Variants in TOPAZ1 observed in about 807,000 individuals in gnomAD.
TOPAZ1 encodes the protein protein TOPAZ1.
A neutral mutation model predicts 172.2 loss-of-function variants in TOPAZ1; 66 were observed. That is an observed-to-expected ratio of 0.38 (90% CI 0.31 to 0.47). The LOEUF is 0.47. TOPAZ1 is among the 20% of genes least tolerant of loss of function. The pLI, the probability that TOPAZ1 is intolerant of heterozygous loss-of-function variation, is 0.99. For synonymous variants in TOPAZ1, 681 were observed against 683.9 expected (o/e 1.00, Z 0.07); for missense variants, 1,822 against 1,972.4 (o/e 0.92, Z 1.44).
chr3:44,302,931 C>T (rs961064352), intron 12 of TOPAZ1, among the ~76,000 whole-genome samples: 9 of 152,160 alleles, frequency 5.9e-5, no homozygotes, highest in African/African-American at 2.2e-4. Context: ...CAGCCTGGAC[C>T]TCCTGGGCTC....
chr3:44,248,386 A>T (rs1699590877), intron 2 of TOPAZ1, among the ~76,000 whole-genome samples: 1 of 152,086 alleles, frequency 6.6e-6, no homozygotes, highest in Non-Finnish European at 1.5e-5. Flanking sequence ...CACCAGTTAT[A>T]CTTTTATTGG....
At chr3:44,306,599 A>G (rs1700339057) in intron 15 of TOPAZ1, among the ~76,000 whole-genome samples, 173 bp downstream of exon 15, 1 of 152,244 alleles carries the variant, frequency 6.6e-6, no homozygotes, top group Non-Finnish European at 1.5e-5. Flanking sequence ...GCAAATGGCT[A>G]CTATTCAAAA....
intron 12 of TOPAZ1, among the ~76,000 whole-genome samples, chr3:44,300,132 TAAAAA>T (rs1006094199): frequency 6.7e-6 from 1 of 148,326 alleles, no homozygotes; most frequent in Non-Finnish European, 1.5e-5. Context: ...AAATAAAAAA[TAAAAA>T]AAAAGAAAAT....
chr3:44,323,406 CA>C (rs1559549451), intron 18 of TOPAZ1, 111 bp downstream of exon 18: 1 of 627,088 alleles, frequency 1.6e-6, no homozygotes, highest in East Asian at 3.1e-5. Context: ...AGCAGTAATA[CA>C]TATTCAAATG....
chr3:44,254,310 G>A (rs1237924350), intron 2 of TOPAZ1, among the ~76,000 whole-genome samples: 1 of 152,042 alleles, frequency 6.6e-6, no homozygotes, highest in Non-Finnish European at 1.5e-5. Context: ...GACATTGACC[G>A]TATGACATAC....
At chr3:44,270,935 T>C in intron 8 of TOPAZ1, 125 bp downstream of exon 8, 1 of 846,684 alleles carries the variant, frequency 1.2e-6, no homozygotes. Flanking sequence ...TTGTTCTTTA[T>C]ATAAATGGAA....
intron 8 of TOPAZ1, among the ~76,000 whole-genome samples, chr3:44,273,624 C>T (rs942655699): frequency 2.0e-5 from 3 of 152,138 alleles, no homozygotes; most frequent in African/African-American, 4.8e-5. Context: ...TGATGTACCA[C>T]CCCCCATGCT....
intron 12 of TOPAZ1, among the ~76,000 whole-genome samples, chr3:44,293,455 A>G (rs1700161983): frequency 6.6e-6 from 1 of 152,224 alleles, no homozygotes; most frequent in African/African-American, 2.4e-5. Context: ...AGACAGTGAT[A>G]TTGATCATCC....
In TOPAZ1 at chr3:44,321,209, C is replaced by CT. The variant is rs1447817854; in HGVS notation, c.4471+19dup. The CT allele has an allele frequency of 1.3e-6, 2 of 1,522,864 alleles. No homozygotes were observed. Among genetic ancestry groups the CT allele is most frequent in the Admixed American group, 4.3e-5 (2 of 46,448 alleles). The allele number at this position is 1,522,864 out of a possible 1,614,324, so 94.3% of individuals were successfully genotyped here. On this transcript the variant is annotated intron_variant, in intron 17 of 19. Transcript: ENST00000309765. ...TTCCCAAGGTATGTTTTTTAAAAGT[C>CT]TATCTTAATTATCTCTTGCCCATCT...
At chr3:44,329,386 G>A (rs2125707586) in intron 19 of TOPAZ1, among the ~76,000 whole-genome samples, 1 of 152,296 alleles carries the variant, frequency 6.6e-6, no homozygotes, top group East Asian at 1.9e-4. Context: ...AATACCTGTT[G>A]GGTGGAAGCC....
At chr3:44,271,459 T>C (rs1384965112) in intron 8 of TOPAZ1, among the ~76,000 whole-genome samples, 3 of 152,184 alleles carry the variant, frequency 2.0e-5, no homozygotes, top group Non-Finnish European at 4.4e-5. Flanking sequence ...ATTTTCCCTA[T>C]ATTCTATGGG....
intron 6 of TOPAZ1, among the ~76,000 whole-genome samples, chr3:44,267,721 G>C (rs534924112): frequency 1.3e-5 from 2 of 152,136 alleles, no homozygotes. Context: ...TTTAGAACTT[G>C]TGTCAGTTTT....
intron 2 of TOPAZ1, among the ~76,000 whole-genome samples, chr3:44,247,533 C>T (rs1178479695): frequency 2.0e-5 from 3 of 152,160 alleles, no homozygotes; most frequent in Non-Finnish European, 4.4e-5. Context: ...TATTACTAAG[C>T]CTTGTGCCAT....
At chr3:44,269,350 C>A (rs1290553390) in intron 7 of TOPAZ1, 49 bp downstream of exon 7, 2 of 1,072,982 alleles carry the variant, frequency 1.9e-6, no homozygotes, top group Admixed American at 2.0e-5. Flanking sequence ...TCTCCTCCCC[C>A]TCCTCCTCCT....
At chr3:44,323,822 T>A (rs1157461128) in intron 18 of TOPAZ1, among the ~76,000 whole-genome samples, 1 of 152,208 alleles carries the variant, frequency 6.6e-6, no homozygotes, top group Admixed American at 6.5e-5. Flanking sequence ...CTCTAACAAA[T>A]AAGCCTGGAA....
At chr3:44,332,170 AT>A, downstream of TOPAZ1, 2 of 567,948 alleles carry the variant, frequency 3.5e-6, no homozygotes, top group Non-Finnish European at 6.1e-6. Flanking sequence ...TTGATATGTA[AT>A]TTTCATTGAT....
At position 44,242,255 on chromosome 3, in the gene TOPAZ1, T is replaced by G; in HGVS notation, c.202T>G (p.Ser68Ala). 1.7e-5 allele frequency: 27 copies of G among 1,548,078 alleles called. No homozygotes were observed. Among genetic ancestry groups the G allele is most frequent in the Non-Finnish European group, 2.2e-5 (25 of 1,145,992 alleles). The change falls in exon 1 of 20, where the codon TCG (serine) becomes GCG (alanine). Residue 68 changes from serine (S) to alanine (A), a missense_variant. Transcript: ENST00000309765. ...PGRGEVESDK[S>A]VAASGAGKAA... The stretch of plus-strand genomic sequence containing the variant: ...GAGAGGCGAGGTGGAAAGTGATAAG[T>G]CGGTTGCAGCATCAGGGGCTGGAAA...
intron 12 of TOPAZ1, among the ~76,000 whole-genome samples, chr3:44,302,069 T>A (rs75872471): frequency 0.013 from 1,904 of 152,218 alleles, 37 homozygotes; most frequent in African/African-American, 0.041. Flanking sequence ...TGGATTCAGT[T>A]TTATCTTTTC....
In TOPAZ1 at chr3:44,244,630, G is replaced by C. The variant is rs1392883453; in HGVS notation, c.2124G>C (p.Glu708Asp). Residue 708 changes from glutamate to aspartate, a missense_variant, in exon 2 of 20, where the codon GAG (glutamate) becomes GAC (aspartate). Physicochemically the swap from Glu to Asp is conservative, Grantham distance 45. Around this residue, in one of 2 missense-constraint regions of TOPAZ1, gnomAD observed 1,489 missense variants for 1,490.8 expected, o/e 1.00. Coordinates refer to ENST00000309765, the MANE Select transcript of TOPAZ1 (RefSeq NM_001145030.2). ...KRKEVNAKSS[E>D]REAYSPLELL... ...AAGAAGTAAATGCCAAGTCATCAGA[G>C]AGAGAAGCTTACAGTCCTCTAGAAC... 2 of 1,551,234 alleles carry C rather than the reference G, an allele frequency of 1.3e-6. No individual in the cohort carries two copies. The highest frequency in any genetic ancestry group is 2.7e-5 in the African/African-American group (2 of 73,008).
Sources: allele counts gnomAD v4.1 joint callset (sites outside exome capture counted in the v4.1 genomes callset), GRCh38; gene constraint gnomAD v4.1.1; regional missense constraint gnomAD v4.1.1; transcripts MANE v1.5; gene names NCBI Gene and HGNC (gene_info 2026-07-23, HGNC 2026-07-21).